Variants in RSU1 observed in about 807,000 individuals in gnomAD.
RSU1 encodes rsu-1.
RSU1 carries 26 observed loss-of-function variants against 31.1 expected under a neutral mutation model. That is an observed-to-expected ratio of 0.84 (90% CI 0.61 to 1.16). The LOEUF is 1.16. RSU1 is among the 50% of genes most tolerant of loss of function. The pLI, the probability that RSU1 is intolerant of heterozygous loss-of-function variation, is 0.00. For missense variants in RSU1, 320 were observed against 339.1 expected (o/e 0.94, Z 0.44); for synonymous variants, 164 against 136.3 (o/e 1.20, Z -1.41).
intron 8 of RSU1, among the ~76,000 whole-genome samples, chr10:16,625,014 A>C (rs1834131262): frequency 2.0e-5 from 3 of 152,176 alleles, no homozygotes; most frequent in Admixed American, 2.0e-4. Context: ...TTAGTATTTA[A>C]GTGATGTAGC....
chr10:16,713,703 T>C (rs1276054352), intron 7 of RSU1, among the ~76,000 whole-genome samples: 1 of 152,264 alleles, frequency 6.6e-6, no homozygotes, highest in Non-Finnish European at 1.5e-5. Context: ...TGGGGTCTTT[T>C]ACTAAAGACT....
At chr10:16,620,053 ATAAT>A (rs1290353826) in intron 8 of RSU1, among the ~76,000 whole-genome samples, 1 of 152,204 alleles carries the variant, frequency 6.6e-6, no homozygotes, top group East Asian at 1.9e-4. Flanking sequence ...GCTATGTTTC[ATAAT>A]TAACGTGAAC....
At chr10:16,608,512 C>A (rs540153921) in intron 8 of RSU1, among the ~76,000 whole-genome samples, 2 of 152,280 alleles carry the variant, frequency 1.3e-5, no homozygotes, top group East Asian at 3.9e-4. Flanking sequence ...CCTTTTCCCA[C>A]TTCCCTGGCA....
In RSU1 at chr10:16,764,414, T is replaced by G. The variant is rs748673191; in HGVS notation, c.257A>C (p.Gln86Pro). 6.2e-7 allele frequency: 1 copy of G among 1,613,654 alleles called. No homozygotes were observed. Among genetic ancestry groups the G allele is most frequent in the Admixed American group, 1.7e-5 (1 of 59,954 alleles). Residue 86 changes from glutamine (Q) to proline (P), a missense_variant, in exon 4 of 9, where the codon CAG becomes CCG. Coordinates refer to ENST00000345264, the MANE Select transcript of RSU1 (RefSeq NM_012425.4). ...EELPTQISSL[Q>P]KLKHLNLGMN... ...CCCAAGGTTCAGGTGTTTGAGTTTC[T>G]GAAGGCTACTGATCTGTGTGGGCAG...
chr10:16,809,799 A>T (rs1438314860), intron 2 of RSU1, among the ~76,000 whole-genome samples: 1 of 151,774 alleles, frequency 6.6e-6, no homozygotes, highest in African/African-American at 2.4e-5. Flanking sequence ...CAATTGTAGC[A>T]TTGGTTATAA....
chr10:16,700,475 C>T (rs544268653), intron 7 of RSU1, among the ~76,000 whole-genome samples: 22 of 152,114 alleles, frequency 1.4e-4, no homozygotes, highest in African/African-American at 2.9e-4. Flanking sequence ...TTCTCTGCGG[C>T]GAATCCTCAC....
chr10:16,754,926 G>A lies in RSU1; in HGVS notation c.345C>T (p.Asp115=), dbSNP rs769028892. 9.3e-6 allele frequency: 15 copies of A among 1,613,518 alleles called. No homozygotes were observed. In the South Asian group the frequency reaches 1.5e-4, roughly 17 times the overall value. The part of the protein sequence containing the change: ...FGSLPALEVL[D]LTYNNLSENS... ...TTTCGCTCAAGTTGTTGTACGTCAA[G>A]TCCAGAACCTCAAGAGCTGGCAGGG... Residue 115 remains aspartate, a synonymous_variant, in exon 5 of 9, where the codon GAC becomes GAT. Coordinates refer to ENST00000345264, the MANE Select transcript of RSU1 (RefSeq NM_012425.4).
intron 3 of RSU1, 117 bp from the exon 4 acceptor site, chr10:16,764,627 T>G: frequency 9.3e-7 from 1 of 1,074,062 alleles, no homozygotes; most frequent in Non-Finnish European, 1.3e-6. Context: ...AAAAGGGCCA[T>G]CGAATTCACC....
intron 8 of RSU1, among the ~76,000 whole-genome samples, chr10:16,624,484 T>G (rs1448093137): frequency 6.6e-6 from 1 of 152,080 alleles, no homozygotes; most frequent in Non-Finnish European, 1.5e-5. Context: ...AACTCCAGCT[T>G]TCAGCCTGCC....
chr10:16,751,154 AC>A (rs1164549166), intron 7 of RSU1, among the ~76,000 whole-genome samples: 1 of 152,144 alleles, frequency 6.6e-6, no homozygotes, highest in African/African-American at 2.4e-5. Context: ...ACTGGGAGCC[AC>A]CGTGCCCGGC....
intron 3 of RSU1, among the ~76,000 whole-genome samples, chr10:16,772,181 G>A (rs921768946): frequency 6.6e-6 from 1 of 152,050 alleles, no homozygotes; most frequent in African/African-American, 2.4e-5. Context: ...GAGGAAAAAA[G>A]GCATAAGCAA....
At chr10:16,669,794 G>GTATATGTACCATATATGTACCA (rs1452847848) in intron 8 of RSU1, among the ~76,000 whole-genome samples, 1 of 152,180 alleles carries the variant, frequency 6.6e-6, no homozygotes, top group Non-Finnish European at 1.5e-5. Context: ...ATTCCATGGT[G>GTATATGTACCATATATGTACCA]TATATGTACC....
chr10:16,618,949 A>C (rs1375015878), intron 8 of RSU1, among the ~76,000 whole-genome samples: 1 of 152,216 alleles, frequency 6.6e-6, no homozygotes, highest in Admixed American at 6.5e-5. Context: ...CCTATGTAAC[A>C]AACCTGTGTG....
At chr10:16,763,131 T>A (rs1179359133) in intron 4 of RSU1, among the ~76,000 whole-genome samples, 1 of 152,218 alleles carries the variant, frequency 6.6e-6, no homozygotes, top group African/African-American at 2.4e-5. Context: ...GCACAGAGAC[T>A]GCAGCATGAG....
chr10:16,669,372 T>TCC (rs113433647), intron 8 of RSU1, among the ~76,000 whole-genome samples: 75 of 150,312 alleles, frequency 5.0e-4, no homozygotes, highest in Non-Finnish European at 8.9e-4. Flanking sequence ...TCTGTTTTTT[T>TCC]TCCCCCCCCA....
intron 8 of RSU1, among the ~76,000 whole-genome samples, chr10:16,638,313 T>G (rs1176209023): frequency 4.6e-5 from 7 of 152,192 alleles, no homozygotes; most frequent in African/African-American, 1.7e-4. Context: ...TTCGCGCGCA[T>G]GTGTGTAGTA....
At chr10:16,793,384 G>A (rs1837966750) in intron 2 of RSU1, among the ~76,000 whole-genome samples, 1 of 152,012 alleles carries the variant, frequency 6.6e-6, no homozygotes, top group Non-Finnish European at 1.5e-5. Context: ...GATGGCCCCT[G>A]TTTCTACACA....
At chr10:16,776,539 G>C (rs551748599) in intron 3 of RSU1, among the ~76,000 whole-genome samples, 5 of 151,290 alleles carry the variant, frequency 3.3e-5, no homozygotes, top group Admixed American at 6.6e-5. Context: ...TTTACTACCT[G>C]CCTGGCCATT....
At chr10:16,681,455 TTTTCCCGTAACAA>T (rs1835326397) in intron 8 of RSU1, among the ~76,000 whole-genome samples, 1 of 152,258 alleles carries the variant, frequency 6.6e-6, no homozygotes, top group Middle Eastern at 3.4e-3. Context: ...CTTGGATCCA[TTTTCCCGTAACAA>T]TTTGTATTCA....
Sources: allele counts gnomAD v4.1 joint callset (sites outside exome capture counted in the v4.1 genomes callset), GRCh38; gene constraint gnomAD v4.1.1; transcripts MANE v1.5; gene names NCBI Gene and HGNC (gene_info 2026-07-23, HGNC 2026-07-21).